Variants in DPYD observed in about 807,000 individuals in gnomAD.
The protein encoded by DPYD is dihydropyrimidine dehydrogenase, also known as dihydropyrimidine dehydrogenase [NADP(+)].
DPYD carries 109 observed loss-of-function variants against 116.2 expected under a neutral mutation model. That is an observed-to-expected ratio of 0.94 (90% confidence interval 0.80 to 1.10). DPYD has a LOEUF of 1.10. Ranked by LOEUF, DPYD falls within the 50% of genes least tolerant of loss-of-function variation. DPYD has a pLI of 0.00. For missense variants in DPYD, 1,302 were observed against 1,254.5 expected, an observed-to-expected ratio of 1.04 and a Z score of -0.57; for synonymous variants, 440 against 432.0, an observed-to-expected ratio of 1.02 and a Z score of -0.23.
At chr1:97,275,422 G>A (rs1664872625) in intron 18 of DPYD, among the ~76,000 whole-genome samples, 1 of 152,100 alleles carries the variant, frequency 6.6e-6, no homozygotes, top group East Asian at 1.9e-4. Flanking sequence ...AAGAATCTAG[G>A]ATTCAGAGGG....
At chr1:97,239,619 C>A (rs1662190637) in intron 18 of DPYD, among the ~76,000 whole-genome samples, 3 of 152,006 alleles carry the variant, frequency 2.0e-5, no homozygotes, top group Admixed American at 1.3e-4. Context: ...CCATTAGAAA[C>A]AATTCACATT....
intron 13 of DPYD, among the ~76,000 whole-genome samples, chr1:97,497,852 T>C (rs947102540): frequency 6.6e-6 from 1 of 151,752 alleles, no homozygotes; most frequent in African/African-American, 2.4e-5. Flanking sequence ...GAATTGAATA[T>C]ATATGTATCT....
chr1:97,456,582 T>C (rs1676700947), intron 13 of DPYD, among the ~76,000 whole-genome samples: 1 of 152,118 alleles, frequency 6.6e-6, no homozygotes, highest in Non-Finnish European at 1.5e-5. Flanking sequence ...CCTAACGGGC[T>C]TAAGCTGCAT....
Position 97,549,565 on chromosome 1 carries a change from C to A in DPYD, c.1519G>T (p.Val507Leu). 6.2e-7 allele frequency: 1 copy of A among 1,613,728 alleles called. No individual in the cohort carries two copies. Among genetic ancestry groups the A allele is most frequent in the African/African-American group, 1.3e-5 (1 of 75,024 alleles). The change falls in exon 12 of 23, where the codon GTA becomes TTA. Residue 507 changes from valine (V) to leucine (L), a missense_variant. Physicochemically the swap from Val to Leu is conservative, Grantham distance 32 (BLOSUM62 1). Coordinates refer to ENST00000370192, the MANE Select transcript of DPYD (RefSeq NM_000110.4). ...AAATGATGGCAAATGCCTACCTGTACGTATTTGTGAATGTACCAAGAAGCT... is the reference window on the plus strand; with the variant it reads ...AAATGATGGCAAATGCCTACCTGTAAGTATTTGTGAATGTACCAAGAAGCT... ...KQASWYIHKYVQSQYGASVSA... is the reference protein window; with the variant it reads ...KQASWYIHKYLQSQYGASVSA...
At chr1:97,546,803 A>C in intron 12 of DPYD, 1 of 1,612,908 alleles carries the variant, frequency 6.2e-7, no homozygotes, top group Non-Finnish European at 8.5e-7. Context: ...GGTTTGGATC[A>C]GATTAAACCA....
intron 18 of DPYD, among the ~76,000 whole-genome samples, chr1:97,256,056 T>G (rs964971525): frequency 2.0e-5 from 3 of 152,168 alleles, no homozygotes; most frequent in African/African-American, 7.2e-5. Flanking sequence ...TAGTTGATTA[T>G]GACAGCTTTC....
At chr1:97,299,483 G>A (rs1666735030) in intron 18 of DPYD, among the ~76,000 whole-genome samples, 1 of 151,956 alleles carries the variant, frequency 6.6e-6, no homozygotes, top group African/African-American at 2.4e-5. Flanking sequence ...TGAATTTGTT[G>A]GCTCTTAAAT....
intron 16 of DPYD, among the ~76,000 whole-genome samples, chr1:97,331,688 C>T (rs960810119): frequency 1.3e-5 from 2 of 152,142 alleles, no homozygotes; most frequent in African/African-American, 2.4e-5. Flanking sequence ...AATAACTCCT[C>T]TGAAGTATTA....
chr1:97,803,287 C>A (rs1390263368), intron 3 of DPYD, among the ~76,000 whole-genome samples: 1 of 151,814 alleles, frequency 6.6e-6, no homozygotes, highest in African/African-American at 2.4e-5. Flanking sequence ...TCCTGTTTTA[C>A]TATTTTGTAA....
chr1:97,127,209 T>G (rs1359601656), intron 20 of DPYD, among the ~76,000 whole-genome samples: 1 of 152,008 alleles, frequency 6.6e-6, no homozygotes, highest in African/African-American at 2.4e-5. Flanking sequence ...TTCCAAGCCG[T>G]GAGATGATGT....
chr1:97,896,271 A>C (rs951904918), intron 1 of DPYD, among the ~76,000 whole-genome samples: 2 of 151,798 alleles, frequency 1.3e-5, no homozygotes, highest in African/African-American at 4.8e-5. Flanking sequence ...AAAACAGGAA[A>C]ATATTATCAG....
At position 97,244,840 on chromosome 1, in the gene DPYD, C is replaced by T. The variant is rs554149042; in HGVS notation, c.2300-9846G>A. ...GAAACGCACAAATGGTTTTACATCG[C>T]AGCTAGTATTTATCATTTAAAATAG... On this transcript the variant is annotated intron_variant, in intron 18 of 22. Coordinates refer to ENST00000370192, the MANE Select transcript of DPYD (RefSeq NM_000110.4). Among the ~76,000 whole-genome samples, 4 of 152,146 alleles carry T rather than the reference C, an allele frequency of 2.6e-5. No homozygotes were observed. The East Asian group carries it at 7.7e-4, about 29-fold the overall frequency.
intron 12 of DPYD, among the ~76,000 whole-genome samples, chr1:97,525,758 TAGAGAGAGAG>T (rs58098297): frequency 1.2e-4 from 13 of 108,712 alleles, no homozygotes; most frequent in South Asian, 6.8e-4. Flanking sequence ...CCTGGGTAAT[TAGAGAGAGAG>T]AGAGAGAGAG....
intron 8 of DPYD, among the ~76,000 whole-genome samples, chr1:97,673,836 CA>C: frequency 6.6e-6 from 1 of 152,174 alleles, no homozygotes; most frequent in South Asian, 2.1e-4. Context: ...GCATCGAAGT[CA>C]AGAACACAAA....
chr1:97,313,246 TTTC>T lies in DPYD; in HGVS notation c.2059-6952_2059-6950del, dbSNP rs1667618906. Among the ~76,000 whole-genome samples the T allele has an allele frequency of 2.6e-5, 4 of 152,046 alleles. No individual in the cohort carries two copies. The South Asian group carries it at 8.3e-4, about 32-fold the overall frequency. ...CTACACCACACAAATTGACACTGACTTTCTTATTTCTATGTACTTGGAGGAAAA... is the reference window on the plus strand; with the variant it reads ...CTACACCACACAAATTGACACTGACTTTATTTCTATGTACTTGGAGGAAAA... On this transcript the variant is annotated intron_variant, in intron 16 of 22. Transcript: ENST00000370192.
chr1:97,283,037 T>A (rs1665426351), intron 18 of DPYD, among the ~76,000 whole-genome samples: 2 of 152,140 alleles, frequency 1.3e-5, no homozygotes, highest in African/African-American at 4.8e-5. Flanking sequence ...TATGCATGTG[T>A]CTTTATGGTG....
chr1:97,137,617 G>T (rs1653909496), intron 20 of DPYD, among the ~76,000 whole-genome samples: 1 of 152,076 alleles, frequency 6.6e-6, no homozygotes. Flanking sequence ...TTCATAATGT[G>T]CTCTTGGCAC....
chr1:97,726,283 C>T (rs1357993640), intron 4 of DPYD, among the ~76,000 whole-genome samples: 2 of 151,470 alleles, frequency 1.3e-5, no homozygotes, highest in African/African-American at 2.4e-5. Flanking sequence ...TAGTTGTTCC[C>T]TTGTATTTAA....
intron 14 of DPYD, chr1:97,419,976 T>C (rs1009501808): frequency 6.6e-6 from 1 of 152,162 alleles, no homozygotes; most frequent in South Asian, 2.1e-4. Context: ...CAATTGTGGA[T>C]AAAATGAATA....
Sources: gnomAD v4.1 joint callset for allele counts (sites outside exome capture counted in the v4.1 genomes callset) on GRCh38, gnomAD v4.1.1 for gene constraint, MANE v1.5 for transcripts, NCBI Gene and HGNC (gene_info 2026-07-23, HGNC 2026-07-21) for gene names.